Variants in AGBL1 observed in about 807,000 individuals in gnomAD.
AGBL1 encodes the protein cytosolic carboxypeptidase 4.
In AGBL1, 130 loss-of-function variants were observed where a neutral mutation model predicts 118.9. That is an observed-to-expected ratio of 1.09 (90% CI 0.95 to 1.26). AGBL1 has a LOEUF of 1.26. AGBL1 is among the 50% of genes most tolerant of loss of function. AGBL1 has a pLI of 0.00. For missense variants in AGBL1, 1,584 were observed against 1,298.1 expected, an observed-to-expected ratio of 1.22 and a Z score of -3.38; for synonymous variants, 555 against 478.9, an observed-to-expected ratio of 1.16 and a Z score of -2.08.
intron 22 of AGBL1, among the ~76,000 whole-genome samples, chr15:86,853,495 T>C (rs543894980): frequency 2.6e-5 from 4 of 152,152 alleles, no homozygotes; most frequent in Non-Finnish European, 4.4e-5. Flanking sequence ...AATTGATCTT[T>C]AAAGAAATTA....
chr15:86,328,807 A>C (rs991738314), intron 17 of AGBL1, among the ~76,000 whole-genome samples: 6 of 152,200 alleles, frequency 3.9e-5, no homozygotes, highest in Admixed American at 3.9e-4. Context: ...GCTTGAAGAC[A>C]CTATGAGGGA....
At chr15:86,094,979 A>G (rs1018733185) in intron 1 of AGBL1, among the ~76,000 whole-genome samples, 1 of 152,224 alleles carries the variant, frequency 6.6e-6, no homozygotes, top group Admixed American at 6.5e-5. Context: ...CTTCATAGCC[A>G]GGGAGTTCCC....
rs1004097755 is a variant in AGBL1, at chr15:87,019,977, A to T, written c.3324-8848A>T. On this transcript the variant is annotated intron_variant, in intron 24 of 24. Coordinates refer to the AGBL1 transcript ENST00000441037. The stretch of plus-strand genomic sequence containing the variant: ...ATAAACAACCATCACAGAATACTAT[A>T]AACTCCTCTATGCACATAAACTAGA... Among the ~76,000 whole-genome samples, 7 of 152,170 alleles carry T rather than the reference A, an allele frequency of 4.6e-5. No individual in the cohort carries two copies. In the South Asian group the frequency reaches 1.2e-3, roughly 27 times the overall value.
intron 18 of AGBL1, among the ~76,000 whole-genome samples, chr15:86,513,148 CCAAT>C (rs2083073222): frequency 6.6e-6 from 1 of 151,900 alleles, no homozygotes; most frequent in Non-Finnish European, 1.5e-5. Context: ...TCAGATTTCA[CCAAT>C]CATTCCAATA....
chr15:86,758,654 G>A (rs942730711), intron 22 of AGBL1, among the ~76,000 whole-genome samples: 18 of 151,810 alleles, frequency 1.2e-4, no homozygotes, highest in African/African-American at 3.4e-4. Context: ...TCCAGGTGCC[G>A]AGGACTCACT....
intron 5 of AGBL1, among the ~76,000 whole-genome samples, chr15:86,183,689 C>T (rs539085614): frequency 4.6e-4 from 70 of 152,268 alleles, no homozygotes; most frequent in Middle Eastern, 3.4e-3. Context: ...GAAAATGGTC[C>T]ACCCTAATCA....
At chr15:86,783,555 G>A (rs1264948246) in intron 22 of AGBL1, among the ~76,000 whole-genome samples, 1 of 152,166 alleles carries the variant, frequency 6.6e-6, no homozygotes, top group Non-Finnish European at 1.5e-5. Flanking sequence ...CCCTGCCATT[G>A]GCTTTCTTTG....
intron 22 of AGBL1, among the ~76,000 whole-genome samples, chr15:86,862,416 A>G (rs932467401): frequency 2.6e-5 from 4 of 152,178 alleles, no homozygotes; most frequent in African/African-American, 4.8e-5. Flanking sequence ...TATATCCTTA[A>G]TTCAAAGTTA....
intron 19 of AGBL1, among the ~76,000 whole-genome samples, chr15:86,541,444 T>A (rs926635719): frequency 6.6e-6 from 1 of 152,036 alleles, no homozygotes; most frequent in Non-Finnish European, 1.5e-5. Context: ...TTTTAAAAAT[T>A]AGCCACGTAT....
intron 22 of AGBL1, among the ~76,000 whole-genome samples, chr15:86,708,555 C>T (rs1342438861): frequency 1.3e-5 from 2 of 152,100 alleles, no homozygotes; most frequent in Non-Finnish European, 2.9e-5. Flanking sequence ...CAGTCTAAGA[C>T]AAGGTTAATT....
intron 19 of AGBL1, among the ~76,000 whole-genome samples, chr15:86,524,911 C>G (rs113241023): frequency 0.01 from 1,582 of 152,036 alleles, 30 homozygotes; most frequent in African/African-American, 0.036. Flanking sequence ...AGCAATCAGG[C>G]AAGAGAAAGA....
At chr15:86,488,203 A>T (rs1177110714) in intron 18 of AGBL1, among the ~76,000 whole-genome samples, 2 of 152,024 alleles carry the variant, frequency 1.3e-5, no homozygotes, top group Non-Finnish European at 2.9e-5. Context: ...AAATGGCTAG[A>T]CGTATAGGTC....
chr15:86,671,936 C>G (rs993002401), intron 21 of AGBL1, among the ~76,000 whole-genome samples: 1 of 152,140 alleles, frequency 6.6e-6, no homozygotes, highest in Admixed American at 6.6e-5. Flanking sequence ...GAAAAATTCT[C>G]TTCCACACCA....
intron 22 of AGBL1, among the ~76,000 whole-genome samples, chr15:86,694,797 T>A (rs1385061035): frequency 6.6e-6 from 1 of 152,026 alleles, no homozygotes; most frequent in African/African-American, 2.4e-5. Flanking sequence ...AAGGTTTTAG[T>A]CATAAAGCGA....
At chr15:86,882,588 G>C (rs1346234154) in intron 22 of AGBL1, among the ~76,000 whole-genome samples, 2 of 152,148 alleles carry the variant, frequency 1.3e-5, no homozygotes, top group Non-Finnish European at 2.9e-5. Context: ...AACTGGGCTT[G>C]TCTGAAAATT....
Position 86,655,155 on chromosome 15 carries a change from G to A in AGBL1, c.2995-19118G>A, listed in dbSNP as rs151001318. Among the ~76,000 whole-genome samples, 903 of 152,244 alleles carry A rather than the reference G, an allele frequency of 5.9e-3. 9 individuals carry two copies. The highest frequency in any genetic ancestry group is 0.021 in the African/African-American group (852 of 41,552). Reference sequence around the variant, plus strand: ...AATTCTGGGGCTGATTCCAATCTCCGGAAATGCATTCTTCCCTGGGAAAAT... The same window carrying A: ...AATTCTGGGGCTGATTCCAATCTCCAGAAATGCATTCTTCCCTGGGAAAAT... On this transcript the variant is annotated intron_variant, in intron 21 of 22. Coordinates refer to ENST00000614907, the MANE Select transcript of AGBL1 (RefSeq NM_001386094.1).
intron 17 of AGBL1, among the ~76,000 whole-genome samples, chr15:86,357,856 C>T (rs2080745067): frequency 6.6e-6 from 1 of 152,102 alleles, no homozygotes; most frequent in African/African-American, 2.4e-5. Flanking sequence ...AAACTCTTAA[C>T]ATATGACTCT....
intron 16 of AGBL1, among the ~76,000 whole-genome samples, chr15:86,294,732 C>A (rs1310202464): frequency 6.6e-6 from 1 of 151,884 alleles, no homozygotes; most frequent in Admixed American, 6.6e-5. Context: ...TTAGATTTGT[C>A]TCTTTTCTTT....
At chr15:86,624,431 G>T (rs990551721) in intron 21 of AGBL1, among the ~76,000 whole-genome samples, 4 of 152,186 alleles carry the variant, frequency 2.6e-5, no homozygotes, top group African/African-American at 9.7e-5. Context: ...GTTTGAGTAA[G>T]GGCTCTGTGG....
Sources: gnomAD v4.1 joint callset for allele counts (sites outside exome capture counted in the v4.1 genomes callset) on GRCh38, gnomAD v4.1.1 for gene constraint, MANE v1.5 for transcripts, NCBI Gene and HGNC (gene_info 2026-07-23, HGNC 2026-07-21) for gene names.